The following LAMA1 variants were observed in gnomAD, a reference collection of about 807,000 sequenced individuals.
LAMA1 encodes the protein laminin subunit alpha-1.
A neutral mutation model predicts 348.7 loss-of-function variants in LAMA1; 219 were observed. That is an observed-to-expected ratio of 0.63 (90% CI 0.56 to 0.70). LAMA1 has a LOEUF of 0.70. LAMA1 is among the 30% of genes least tolerant of loss of function. LAMA1 has a pLI of 0.00. For synonymous variants in LAMA1, 1,487 were observed against 1,491.0 expected (o/e 1.00, Z 0.06); for missense variants, 3,744 against 3,888.0 (o/e 0.96, Z 0.99).
Position 7,055,913 on chromosome 18 carries a change from C to G in LAMA1, c.346-4977G>C, listed in dbSNP as rs556371394. 9.2e-4 allele frequency among the ~76,000 whole-genome samples: 139 copies of G among 151,428 alleles called. 1 individual carries two copies. In the South Asian group the frequency reaches 0.014, roughly 16 times the overall value. The stretch of plus-strand genomic sequence containing the variant: ...TGGCTAACACAGTGAAACCCCGTCT[C>G]CACTAAAATACAAAAAATTAGCTGG... On this transcript the variant is annotated intron_variant, in intron 3 of 62. Coordinates refer to ENST00000389658, the MANE Select transcript of LAMA1 (RefSeq NM_005559.4).
chr18:7,042,677 G>A (rs1011332634), intron 8 of LAMA1: 2 of 237,152 alleles, frequency 8.4e-6, no homozygotes, highest in South Asian at 6.0e-5. Context: ...AAGGTCAAGG[G>A]ATTGAGACCA....
intron 44 of LAMA1, among the ~76,000 whole-genome samples, chr18:6,976,668 G>A (rs192518119): frequency 9.2e-5 from 14 of 151,804 alleles, no homozygotes; most frequent in Admixed American, 3.3e-4. Flanking sequence ...GTGCAGTGGC[G>A]TGATCATAGC....
intron 1 of LAMA1, among the ~76,000 whole-genome samples, chr18:7,098,296 C>A (rs2058271714): frequency 6.6e-6 from 1 of 152,076 alleles, no homozygotes; most frequent in Admixed American, 6.5e-5. Context: ...AGGAGTGTCT[C>A]TGCCTGGCCG....
At chr18:7,083,700 T>C (rs144808386) in intron 1 of LAMA1, among the ~76,000 whole-genome samples, 23 of 152,302 alleles carry the variant, frequency 1.5e-4, no homozygotes, top group African/African-American at 5.3e-4. Flanking sequence ...TTACATATTA[T>C]ATTTACTCCC....
intron 1 of LAMA1, among the ~76,000 whole-genome samples, chr18:7,114,825 T>A (rs981631144): frequency 2.0e-5 from 3 of 152,214 alleles, no homozygotes; most frequent in African/African-American, 7.2e-5. Context: ...CAAGGATCAT[T>A]ACCCTGAAAT....
chr18:6,975,370 A>T (rs576161604), intron 45 of LAMA1, among the ~76,000 whole-genome samples: 1 of 152,322 alleles, frequency 6.6e-6, no homozygotes, highest in South Asian at 2.1e-4. Flanking sequence ...TCCTTTGCCC[A>T]GTCTCCGAGG....
At chr18:7,030,460 T>A (rs1181672665) in intron 16 of LAMA1, among the ~76,000 whole-genome samples, 1 of 150,808 alleles carries the variant, frequency 6.6e-6, no homozygotes, top group African/African-American at 2.5e-5. Context: ...GGAGCATGAG[T>A]GAAAAACTGA....
intron 5 of LAMA1, among the ~76,000 whole-genome samples, chr18:7,048,682 C>T (rs1322876676): frequency 2.6e-5 from 4 of 152,224 alleles, no homozygotes; most frequent in African/African-American, 4.8e-5. Context: ...CAGTCTTACA[C>T]ACTTAACTAC....
In LAMA1 at chr18:6,962,046, T is replaced by G; in HGVS notation, c.7351A>C (p.Thr2451Pro). 1 of 1,613,132 alleles carries G rather than the reference T, an allele frequency of 6.2e-7. No homozygotes were observed. Among genetic ancestry groups the G allele is most frequent in the South Asian group, 1.1e-5 (1 of 91,066 alleles). Residue 2451 changes from threonine to proline, a missense_variant, in exon 52 of 63, where the codon ACC becomes CCC. Physicochemically the swap from Thr to Pro is conservative, Grantham distance 38. Around this residue, in one of 3 missense-constraint regions of LAMA1, gnomAD observed 1,983 missense variants for 1,934.3 expected, o/e 1.03. Transcript: ENST00000389658. Reference protein sequence around the residue: ...RSRVVRRGVTTKSFVGCIKNL... With the variant: ...RSRVVRRGVTPKSFVGCIKNL... ...TTGATGCAGCCCACAAAGCTTTTGG[T>G]GGTGACACCTCTCCTGTAGGGAAGG...
intron 3 of LAMA1, among the ~76,000 whole-genome samples, chr18:7,058,885 T>C (rs182823236): frequency 3.0e-4 from 46 of 152,280 alleles, no homozygotes; most frequent in Middle Eastern, 3.4e-3. Context: ...TCTGTTAGTA[T>C]GTAGATTTTT....
chr18:6,947,437 C>T, intron 60 of LAMA1, 141 bp from the exon 61 acceptor site: 2 of 957,124 alleles, frequency 2.1e-6, no homozygotes, highest in Non-Finnish European at 3.3e-6. Flanking sequence ...CAGGTCACTC[C>T]TGCCCTCTGA....
chr18:6,994,904 G>C (rs2057774423), intron 34 of LAMA1, among the ~76,000 whole-genome samples: 1 of 152,120 alleles, frequency 6.6e-6, no homozygotes, highest in Non-Finnish European at 1.5e-5. Flanking sequence ...GAAGCCTGAA[G>C]TTTGCACAGA....
At chr18:7,107,473 A>C (rs1332949941) in intron 1 of LAMA1, among the ~76,000 whole-genome samples, 41 of 152,230 alleles carry the variant, frequency 2.7e-4, no homozygotes, top group African/African-American at 9.1e-4. Flanking sequence ...AAAAACAAAT[A>C]CACTAAGAAT....
Position 7,017,323 on chromosome 18 carries a change from A to G in LAMA1, c.2763T>C (p.Cys921=), listed in dbSNP as rs539713. Residue 921 remains cysteine (C), a synonymous_variant, in exon 20 of 63, where the codon TGT becomes TGC. Coordinates refer to ENST00000389658, the MANE Select transcript of LAMA1 (RefSeq NM_005559.4). ...SAVCHLETGL[C]DCKPNVTGQQ... is the part of the protein sequence containing the mutation. The stretch of plus-strand genomic sequence containing the variant: ...GTCCAGTCACGTTTGGTTTGCAGTC[A>G]CAGAGCCCGGTCTCAAGATGGCACA... 840,056 of 1,613,076 alleles carry G rather than the reference A, an allele frequency of 0.52. 227,486 individuals carry two copies. The highest frequency in any genetic ancestry group is 0.85 in the African/African-American group (63,872 of 74,904).
rs1287852026 is a variant in LAMA1, at chr18:6,950,819, G to C, written c.8360C>G (p.Ser2787Cys). 5 of 1,614,150 alleles carry C rather than the reference G, an allele frequency of 3.1e-6. No homozygotes were observed. The highest frequency in any genetic ancestry group is 2.2e-5 in the South Asian group (2 of 91,076). ...GCCATCACTGAGCAGTGCAGGGTGA[G>C]AGACCTTTGTTCTGCCTTTGCCAAG... ...FDLGKGRTKV[S>C]HPALLSDGKW... Residue 2787 changes from serine to cysteine, a missense_variant, in exon 58 of 63, where the codon TCT (serine) becomes TGT (cysteine). Transcript: ENST00000389658.
chr18:6,965,660 C>T, intron 49 of LAMA1: 1 of 555,748 alleles, frequency 1.8e-6, no homozygotes, highest in East Asian at 3.1e-5. Context: ...ATCCACAATT[C>T]AGTAAGAGAA....
chr18:7,079,785 C>A (rs1012280010), intron 3 of LAMA1, 190 bp downstream of exon 3: 9 of 616,438 alleles, frequency 1.5e-5, no homozygotes, highest in Middle Eastern at 3.3e-4. Flanking sequence ...CTGAAGACAC[C>A]TGGGAATGAT....
intron 1 of LAMA1, among the ~76,000 whole-genome samples, chr18:7,096,731 A>T (rs1201722637): frequency 6.6e-6 from 1 of 152,204 alleles, no homozygotes; most frequent in African/African-American, 2.4e-5. Context: ...TGTCTATGGC[A>T]TAATAAGGAA....
At chr18:7,004,958 T>C (rs1052516169) in intron 29 of LAMA1, among the ~76,000 whole-genome samples, 1 of 152,140 alleles carries the variant, frequency 6.6e-6, no homozygotes, top group South Asian at 2.1e-4. Context: ...AGGGCAGGTA[T>C]GACTACCCTG....
Sources: allele counts gnomAD v4.1 joint callset (sites outside exome capture counted in the v4.1 genomes callset), GRCh38; gene constraint gnomAD v4.1.1; regional missense constraint gnomAD v4.1.1; transcripts MANE v1.5; gene names NCBI Gene and HGNC (gene_info 2026-07-23, HGNC 2026-07-21).